RCOR3: variants seen among roughly 807,000 people sequenced by gnomAD.
RCOR3 encodes the protein REST corepressor 3.
A neutral mutation model predicts 64.1 loss-of-function variants in RCOR3; 13 were observed. The observed-to-expected ratio is 0.20, with a 90% CI of 0.13 to 0.32. The LOEUF (loss-of-function observed/expected upper bound fraction) is 0.32. Ranked by LOEUF, RCOR3 falls within the 10% of genes least tolerant of loss-of-function variation. The probability of loss-of-function intolerance (pLI) is 1.00; values close to 1 mark genes in which losing one functional copy is unlikely to be tolerated. For synonymous variants in RCOR3, 215 were observed against 239.0 expected, an observed-to-expected ratio of 0.90 and a Z score of 0.93; for missense variants, 489 against 701.2, an observed-to-expected ratio of 0.70 and a Z score of 3.42.
chr1:211,299,637 C>T (rs569925930), intron 9 of RCOR3, among the ~76,000 whole-genome samples: 5 of 152,016 alleles, frequency 3.3e-5, no homozygotes, highest in African/African-American at 9.7e-5. Flanking sequence ...AACAATTTAG[C>T]GGGGAAAGGA....
intron 9 of RCOR3, 98 bp downstream of exon 9, chr1:211,295,851 T>C (rs1473742200): frequency 1.3e-6 from 1 of 764,874 alleles, no homozygotes; most frequent in Non-Finnish European, 2.2e-6. Flanking sequence ...GCATCATTAA[T>C]ACTTTGAAGG....
At chr1:211,287,513 A>G (rs1384401160) in intron 7 of RCOR3, among the ~76,000 whole-genome samples, 4 of 152,236 alleles carry the variant, frequency 2.6e-5, no homozygotes, top group Non-Finnish European at 2.9e-5. Flanking sequence ...CCCTACTGGG[A>G]GGAGTTTCTC....
chr1:211,266,026 C>G (rs1437407478), intron 2 of RCOR3, among the ~76,000 whole-genome samples: 3 of 152,020 alleles, frequency 2.0e-5, no homozygotes, highest in Non-Finnish European at 4.4e-5. Context: ...AATCTAACCT[C>G]TTATCATTTG....
At chr1:211,296,721 A>G (rs1010078025) in intron 9 of RCOR3, among the ~76,000 whole-genome samples, 10 of 152,194 alleles carry the variant, frequency 6.6e-5, no homozygotes, top group Admixed American at 6.5e-4. Context: ...GAAAAATAAT[A>G]CAAAGACTGA....
chr1:211,260,080 A>G (rs770277132), intron 1 of RCOR3, 28 bp from the exon 2 acceptor site: 6 of 1,535,612 alleles, frequency 3.9e-6, no homozygotes, highest in African/African-American at 1.4e-5. Flanking sequence ...TTTATTTTTT[A>G]TATATATTTT....
intron 7 of RCOR3, 116 bp downstream of exon 7, chr1:211,279,432 T>G: frequency 1.5e-6 from 1 of 685,972 alleles, no homozygotes; most frequent in Non-Finnish European, 2.4e-6. Flanking sequence ...GATAGTAAAT[T>G]TCAGTGTTAA....
chr1:211,259,420 T>G lies in RCOR3; in HGVS notation c.-141T>G. ...GAGCGGGGCGGTTATGGCGGCTCCA[T>G]ATTAACAGCCTCCTCCTCCTCCGCC... On this transcript the variant is annotated 5_prime_UTR_variant, in exon 1 of 12. Coordinates refer to ENST00000419091, the MANE Select transcript of RCOR3 (RefSeq NM_001136223.3). The G allele has an allele frequency of 1.3e-6, 1 of 777,236 alleles. No individual in the cohort carries two copies. Among genetic ancestry groups the G allele is most frequent in the Non-Finnish European group, 2.0e-6 (1 of 508,612 alleles). 48.1% of individuals were successfully genotyped at this position (777,236 alleles called of 1,614,324 possible). A position where few individuals can be genotyped will look rare whatever the true frequency, so the allele number is the denominator to read the frequency against.
intron 9 of RCOR3, among the ~76,000 whole-genome samples, chr1:211,297,718 T>A (rs949820793): frequency 3.3e-5 from 5 of 152,232 alleles, no homozygotes; most frequent in African/African-American, 9.6e-5. Flanking sequence ...ATATATGTTG[T>A]ATCATCTAGA....
chr1:211,279,766 C>T (rs1697513011), intron 7 of RCOR3, among the ~76,000 whole-genome samples: 1 of 152,132 alleles, frequency 6.6e-6, no homozygotes, highest in African/African-American at 2.4e-5. Context: ...CTTTGTTTCC[C>T]AGAAACGTGG....
At chr1:211,272,611 A>ATTT (rs1558054249) in intron 3 of RCOR3, among the ~76,000 whole-genome samples, 9 of 17,560 alleles carry the variant, frequency 5.1e-4, no homozygotes, top group South Asian at 5.2e-3. Context: ...TGGATGTCTT[A>ATTT]CTTTTTTTTT....
intron 9 of RCOR3, among the ~76,000 whole-genome samples, chr1:211,300,967 C>G (rs747036884): frequency 6.6e-6 from 1 of 152,002 alleles, no homozygotes; most frequent in Non-Finnish European, 1.5e-5. Flanking sequence ...ACAGCTTCAT[C>G]TGTGGTTTAA....
chr1:211,316,309 G>A lies in RCOR3; in HGVS notation c.*2541G>A, dbSNP rs1701861173. 6.6e-6 allele frequency: 1 copy of A among 152,076 alleles called. No individual in the cohort carries two copies. Among genetic ancestry groups the A allele is most frequent in the Non-Finnish European group, 1.5e-5 (1 of 68,012 alleles). 9.4% of individuals were successfully genotyped at this position (152,076 alleles called of 1,614,324 possible). A position where few individuals can be genotyped will look rare whatever the true frequency, so the allele number is the denominator to read the frequency against. ...TATGGATGAGGTAAGAGTAAGTTAT[G>A]ATCAAACTTTTTATGTTCTTAATAA... On this transcript the variant is annotated 3_prime_UTR_variant, in exon 12 of 12. Transcript: ENST00000419091.
intron 9 of RCOR3, among the ~76,000 whole-genome samples, chr1:211,301,079 T>A (rs1475443213): frequency 6.6e-6 from 1 of 151,988 alleles, no homozygotes; most frequent in Non-Finnish European, 1.5e-5. Context: ...TAAAGACATT[T>A]CAAGAGTAAT....
At chr1:211,303,134 G>GAATAC (rs1700546465) in intron 9 of RCOR3, 1 of 152,080 alleles carries the variant, frequency 6.6e-6, no homozygotes, top group Admixed American at 6.5e-5. Context: ...TCCTCATCTG[G>GAATAC]AATACAGTGG....
chr1:211,270,180 C>T (rs1344511649), intron 2 of RCOR3, among the ~76,000 whole-genome samples: 2 of 151,536 alleles, frequency 1.3e-5, no homozygotes, highest in African/African-American at 4.9e-5. Flanking sequence ...TCTCCTGCGT[C>T]AGCCTCCCAA....
Position 211,289,202 on chromosome 1 carries a change from A to G in RCOR3, c.745A>G (p.Thr249Ala). Residue 249 changes from threonine to alanine, a missense_variant, in exon 8 of 12, where the codon ACT becomes GCT. Thr to Ala is a moderately conservative substitution (Grantham distance 58, BLOSUM62 0). This residue lies in a region of RCOR3 where 402 missense variants were observed against 617.0 expected (regional missense o/e 0.65). Transcript: ENST00000419091. The part of the protein sequence containing the change: ...KEGNTEQPVQ[T>A]SKIGLGRREY... ...GGGTAATACTGAACAACCTGTCCAAACTAGCAAGATTGGACTTGGAAGAAG... is the reference window on the plus strand; with the variant it reads ...GGGTAATACTGAACAACCTGTCCAAGCTAGCAAGATTGGACTTGGAAGAAG... 6.2e-7 allele frequency: 1 copy of G among 1,614,056 alleles called. No homozygotes were observed. The highest frequency in any genetic ancestry group is 1.1e-5 in the South Asian group (1 of 91,080).
intron 10 of RCOR3, among the ~76,000 whole-genome samples, chr1:211,307,490 A>AAAGAATTTAAAAAG (rs1553263688): frequency 3.3e-4 from 50 of 150,706 alleles, no homozygotes; most frequent in African/African-American, 1.1e-3. Flanking sequence ...CAAAAAAAAA[A>AAAGAATTTAAAAAG]GAATTTAAAA....
At chr1:211,295,788 G>C (rs768317661) in intron 9 of RCOR3, 35 bp downstream of exon 9, 3 of 1,572,110 alleles carry the variant, frequency 1.9e-6, no homozygotes, top group Non-Finnish European at 8.7e-7. Context: ...ATTAAGTATA[G>C]TGAAAACTTG....
chr1:211,294,880 C>T (rs1453007299), intron 8 of RCOR3, among the ~76,000 whole-genome samples: 2 of 151,990 alleles, frequency 1.3e-5, no homozygotes, highest in African/African-American at 4.8e-5. Flanking sequence ...TGAGCCACCG[C>T]ACCCAGCCTT....
Sources: gnomAD v4.1 joint callset for allele counts (sites outside exome capture counted in the v4.1 genomes callset) on GRCh38, gnomAD v4.1.1 for gene constraint, gnomAD v4.1.1 regional missense constraint, MANE v1.5 for transcripts, NCBI Gene and HGNC (gene_info 2026-07-23, HGNC 2026-07-21) for gene names.